Variants in LIMCH1 observed in about 807,000 individuals in gnomAD.
LIMCH1 encodes the protein LIM and calponin homology domains 1.
Under a neutral mutation model 176.5 loss-of-function variants are expected in LIMCH1, and 113 were observed. The observed-to-expected ratio is 0.64, with a 90% CI of 0.55 to 0.75. LIMCH1 has a LOEUF of 0.75. Among genes scored for constraint, LIMCH1 ranks in the 30% least tolerant of loss-of-function variants. LIMCH1 has a pLI of 0.00. For missense variants in LIMCH1, 1,674 were observed against 1,814.9 expected (o/e 0.92, Z 1.41); for synonymous variants, 619 against 645.9 (o/e 0.96, Z 0.63).
intron 21 of LIMCH1, among the ~76,000 whole-genome samples, chr4:41,669,125 A>C (rs1401051711): frequency 6.6e-6 from 1 of 152,156 alleles, no homozygotes; most frequent in Non-Finnish European, 1.5e-5. Flanking sequence ...CCTGGGTTCA[A>C]ATTTTCATGT....
At chr4:41,566,780 A>G (rs972398060) in intron 1 of LIMCH1, among the ~76,000 whole-genome samples, 12 of 152,208 alleles carry the variant, frequency 7.9e-5, no homozygotes, top group African/African-American at 2.7e-4. Flanking sequence ...TGTTAATTAT[A>G]CCCCATTAAA....
intron 1 of LIMCH1, among the ~76,000 whole-genome samples, chr4:41,400,894 C>A (rs1172801201): frequency 6.6e-6 from 1 of 152,004 alleles, no homozygotes; most frequent in Admixed American, 6.6e-5. Flanking sequence ...AAGACCTATC[C>A]AAATTTGTTT....
At chr4:41,652,604 G>C (rs1420950566) in intron 18 of LIMCH1, among the ~76,000 whole-genome samples, 4 of 152,150 alleles carry the variant, frequency 2.6e-5, no homozygotes, top group Non-Finnish European at 5.9e-5. Context: ...AAATTAATTA[G>C]ACATAGGGGT....
In LIMCH1 at chr4:41,360,990, C is replaced by T. The variant is rs1344853045; in HGVS notation, c.96+54C>T. On this transcript the variant is annotated intron_variant, in intron 1 of 26. Transcript: ENST00000313860. This position sits in a 1 kb window ranked among gnomAD's most constrained non-coding sequence, Gnocchi z 4.5. ...TGCACTGGCGCCCTGAGCCACGGAC[C>T]CGCGCACGCTCCGACCGCAGGTCCA... The T allele has an allele frequency of 5.2e-6, 7 of 1,347,960 alleles. No individual in the cohort carries two copies. In the African/African-American group the frequency reaches 1.0e-4, roughly 20 times the overall value. The allele number at this position is 1,347,960 out of a possible 1,614,324, so 83.5% of individuals were successfully genotyped here. A position where few individuals can be genotyped will look rare whatever the true frequency, so the allele number is the denominator to read the frequency against.
intron 21 of LIMCH1, 112 bp downstream of exon 21, chr4:41,666,778 G>A (rs1395456192): frequency 2.8e-6 from 2 of 714,738 alleles, no homozygotes; most frequent in East Asian, 2.7e-5. Context: ...CCTTTAGCCA[G>A]GGTGTTTGCC....
chr4:41,624,148 G>T (rs2092780345), intron 7 of LIMCH1, among the ~76,000 whole-genome samples: 1 of 152,126 alleles, frequency 6.6e-6, no homozygotes, highest in African/African-American at 2.4e-5. Context: ...CATTGGAGAA[G>T]TAAACTTTTT....
At chr4:41,397,620 A>AC (rs1186159129) in intron 1 of LIMCH1, among the ~76,000 whole-genome samples, 1 of 152,142 alleles carries the variant, frequency 6.6e-6, no homozygotes, top group Non-Finnish European at 1.5e-5. Context: ...TGTGTGTTTA[A>AC]AGAGCTGAAA....
At chr4:41,450,877 A>G (rs2154146584) in intron 1 of LIMCH1, among the ~76,000 whole-genome samples, 1 of 151,486 alleles carries the variant, frequency 6.6e-6, no homozygotes, top group South Asian at 2.1e-4. Context: ...GAATTTGTCT[A>G]AGATTGTCCT....
chr4:41,635,785 A>G (rs2093557487), intron 13 of LIMCH1, among the ~76,000 whole-genome samples: 1 of 152,256 alleles, frequency 6.6e-6, no homozygotes, highest in African/African-American at 2.4e-5. Flanking sequence ...CTAGTTCATG[A>G]TATAGAAATA....
intron 18 of LIMCH1, among the ~76,000 whole-genome samples, chr4:41,659,071 A>G (rs2094540793): frequency 2.6e-5 from 4 of 152,304 alleles, no homozygotes; most frequent in Non-Finnish European, 2.9e-5. Flanking sequence ...TTCTTTTGCA[A>G]TGCTAAACTG....
intron 13 of LIMCH1, among the ~76,000 whole-genome samples, chr4:41,634,481 G>C (rs1265761459): frequency 1.3e-5 from 2 of 152,128 alleles, no homozygotes; most frequent in Non-Finnish European, 1.5e-5. Context: ...GCTTCTCCAA[G>C]GACCCTGATG....
chr4:41,646,565 A>G lies in LIMCH1; in HGVS notation c.2492A>G (p.Tyr831Cys). 6.2e-7 allele frequency: 1 copy of G among 1,614,212 alleles called. No individual in the cohort carries two copies. The highest frequency in any genetic ancestry group is 8.5e-7 in the Non-Finnish European group (1 of 1,180,032). Residue 831 changes from tyrosine (Y) to cysteine (C), a missense_variant, in exon 17 of 32, where the codon TAC becomes TGC. This residue lies in a region of LIMCH1 where 1,015 missense variants were observed against 1,102.5 expected (regional missense o/e 0.92). Transcript: ENST00000503057. Reference sequence around the variant, plus strand: ...GAGGCAGAGGGGATCCTTCAACAGTACATTGAGAGGTTCACCATCAGTGAG... The same window carrying G: ...GAGGCAGAGGGGATCCTTCAACAGTGCATTGAGAGGTTCACCATCAGTGAG... The part of the protein sequence containing the change: ...QEEAEGILQQ[Y>C]IERFTISEAV...
At chr4:41,412,646 A>T (rs1258857562) in intron 1 of LIMCH1, among the ~76,000 whole-genome samples, 1 of 152,200 alleles carries the variant, frequency 6.6e-6, no homozygotes, top group African/African-American at 2.4e-5. Context: ...TAATACCATC[A>T]TGTGTTAGAA....
intron 1 of LIMCH1, among the ~76,000 whole-genome samples, chr4:41,372,061 C>A (rs1417013280): frequency 6.6e-6 from 1 of 152,036 alleles, no homozygotes; most frequent in Admixed American, 6.6e-5. Context: ...GGTGAACACC[C>A]CTCTTTTTGC....
chr4:41,536,048 CTG>C (rs1378097019), upstream of LIMCH1, among the ~76,000 whole-genome samples: 1 of 152,200 alleles, frequency 6.6e-6, no homozygotes, highest in African/African-American at 2.4e-5. Context: ...CAATTACAAA[CTG>C]TGAGCAAAAA....
chr4:41,376,503 T>C (rs1307841629), intron 1 of LIMCH1, among the ~76,000 whole-genome samples: 4 of 152,180 alleles, frequency 2.6e-5, no homozygotes, highest in African/African-American at 9.6e-5. Context: ...CTTTGTGGCT[T>C]TTACTGTAAT....
In LIMCH1 at chr4:41,603,877, G is replaced by A. The variant is rs745469963; in HGVS notation, c.-131G>A. On this transcript the variant is annotated splice_region_variant and 5_prime_UTR_variant, in exon 3 of 32. Transcript: ENST00000503057. ...TTCTTTTCCCTTTCCTTGACTAGGA[G>A]CCTTGATTATAGTAGGAAGCTGAAA... 6.2e-7 allele frequency: 1 copy of A among 1,604,882 alleles called. No homozygotes were observed. The highest frequency in any genetic ancestry group is 8.5e-7 in the Non-Finnish European group (1 of 1,172,894).
Position 41,564,860 on chromosome 4 carries a change from T to C in LIMCH1, c.-241+26510T>C, listed in dbSNP as rs10021744. On this transcript the variant is annotated intron_variant, in intron 1 of 31. Coordinates refer to ENST00000503057, the MANE Select transcript of LIMCH1 (RefSeq NM_001330672.2). ...TGGTGAGTGAGTTGTCACGAGATCT[T>C]ATGGTTTTATAAGGGGCTTCCGCCT... 4.6e-5 allele frequency among the ~76,000 whole-genome samples: 7 copies of C among 152,016 alleles called. No individual in the cohort carries two copies. In the South Asian group the frequency reaches 8.3e-4, roughly 18 times the overall value.
At chr4:41,559,243 A>G (rs764414275) in intron 1 of LIMCH1, among the ~76,000 whole-genome samples, 8 of 152,164 alleles carry the variant, frequency 5.3e-5, no homozygotes, top group Admixed American at 1.3e-4. Flanking sequence ...GCTTCAAGTT[A>G]TCTTACAGGA....
Sources: allele counts gnomAD v4.1 joint callset (sites outside exome capture counted in the v4.1 genomes callset), GRCh38; gene constraint gnomAD v4.1.1; regional missense constraint gnomAD v4.1.1; non-coding constraint Gnocchi (gnomAD v3.1); transcripts MANE v1.5; gene names NCBI Gene and HGNC (gene_info 2026-07-23, HGNC 2026-07-21).